DISP1: variants seen among roughly 807,000 people sequenced by gnomAD.
DISP1 encodes dispatched RND transporter family member 1, also known as protein dispatched homolog 1.
Under a neutral mutation model 37.3 loss-of-function variants are expected in DISP1, and 30 were observed. The observed-to-expected ratio is 0.80, with a 90% CI of 0.60 to 1.09. The LOEUF (loss-of-function observed/expected upper bound fraction) is 1.09, where lower values mean the gene tolerates loss of function less well. Ranked by LOEUF, DISP1 falls within the 50% of genes least tolerant of loss-of-function variation. The probability of loss-of-function intolerance (pLI) is 0.00; values close to 1 mark genes in which losing one functional copy is unlikely to be tolerated. For missense variants in DISP1, 1,598 were observed against 1,879.5 expected (o/e 0.85, Z 2.77); for synonymous variants, 634 against 690.2 (o/e 0.92, Z 1.28).
At chr1:222,986,517 T>C (rs993256226) in intron 4 of DISP1, among the ~76,000 whole-genome samples, 4 of 152,332 alleles carry the variant, frequency 2.6e-5, no homozygotes, top group South Asian at 2.1e-4. Flanking sequence ...CTGACTATGT[T>C]TGAGGGACTT....
At chr1:222,978,425 G>A (rs540544321) in intron 3 of DISP1, among the ~76,000 whole-genome samples, 7 of 152,092 alleles carry the variant, frequency 4.6e-5, no homozygotes, top group African/African-American at 7.2e-5. Flanking sequence ...ATATTAGCCC[G>A]TTGTCAGATG....
At chr1:222,826,504 C>T (rs1339767379) in intron 1 of DISP1, among the ~76,000 whole-genome samples, 1 of 151,500 alleles carries the variant, frequency 6.6e-6, no homozygotes, top group Non-Finnish European at 1.5e-5. Context: ...CCTCAGCCTC[C>T]TGAGTAGCTG....
At chr1:222,862,721 T>TA (rs981091414) in intron 1 of DISP1, among the ~76,000 whole-genome samples, 1 of 151,920 alleles carries the variant, frequency 6.6e-6, no homozygotes, top group Non-Finnish European at 1.5e-5. Context: ...TTTGTAGAAA[T>TA]AGAGTCTCCC....
At chr1:222,860,235 G>A (rs538771704) in intron 1 of DISP1, among the ~76,000 whole-genome samples, 1 of 152,210 alleles carries the variant, frequency 6.6e-6, no homozygotes, top group East Asian at 1.9e-4. Context: ...TGTATCTTTA[G>A]TAGAGACAGG....
chr1:222,991,992 C>T, intron 6 of DISP1, 21 bp from the exon 7 acceptor site: 1 of 1,576,824 alleles, frequency 6.3e-7, no homozygotes, highest in Non-Finnish European at 8.7e-7. Flanking sequence ...TATTGAAGAT[C>T]AAATTGTCGT....
chr1:222,857,787 A>G (rs1485216983), intron 1 of DISP1, among the ~76,000 whole-genome samples: 3 of 152,256 alleles, frequency 2.0e-5, no homozygotes, highest in Admixed American at 2.0e-4. Context: ...CAGAGGACAC[A>G]AACAAATGGA....
chr1:222,889,818 G>A (rs966502662), intron 1 of DISP1, among the ~76,000 whole-genome samples: 1 of 152,040 alleles, frequency 6.6e-6, no homozygotes, highest in African/African-American at 2.4e-5. Context: ...TTGTTTCAGA[G>A]CAGAAACCTT....
At chr1:222,992,669 C>T (rs189338842) in intron 7 of DISP1, among the ~76,000 whole-genome samples, 1 of 152,096 alleles carries the variant, frequency 6.6e-6, no homozygotes, top group East Asian at 1.9e-4. Context: ...GTTTGAATGC[C>T]TCAGGGGCCT....
At position 223,003,042 on chromosome 1, in the gene DISP1, G is replaced by A. The variant is rs1282674754; in HGVS notation, c.1645G>A (p.Val549Ile). 3 of 1,613,940 alleles carry A rather than the reference G, an allele frequency of 1.9e-6. No homozygotes were observed. The highest frequency in any genetic ancestry group is 2.5e-6 in the Non-Finnish European group (3 of 1,180,040). Residue 549 changes from valine to isoleucine, a missense_variant, in exon 9 of 9, where the codon GTA becomes ATA. Transcript: ENST00000675850. The surrounding 1 kb of genome is among the most constrained non-coding windows in gnomAD (Gnocchi z 4.3). ...TGTTTCCTATTTTCTCTATCGTGTA[G>A]TATTTCACTTCGAATTTTTTCCTTT... is the stretch of plus-strand genomic sequence containing the variant. ...LIVSYFLYRVVFHFEFFPFMN... is the reference protein window; with the variant it reads ...LIVSYFLYRVIFHFEFFPFMN...
chr1:222,879,213 A>G (rs945131877), intron 1 of DISP1, among the ~76,000 whole-genome samples: 1 of 152,180 alleles, frequency 6.6e-6, no homozygotes, highest in Non-Finnish European at 1.5e-5. Flanking sequence ...GTGACAGTCC[A>G]TTCTCTGGCA....
rs142783352 is a variant in DISP1 at position 222,964,066 on chromosome 1, T to C, written c.510-19014T>C. Among the ~76,000 whole-genome samples, 431 of 152,158 alleles carry C rather than the reference T, an allele frequency of 2.8e-3. 2 individuals are homozygous for C. Among genetic ancestry groups the C allele is most frequent in the African/African-American group, 0.01 (416 of 41,526 alleles). On this transcript the variant is annotated intron_variant, in intron 3 of 8. Transcript: ENST00000675850. Reference sequence around the variant, plus strand: ...ATATAATCCCAGGACTTTGGGAGGCTGAGGCAGGTGGATCACAAGGTCAGG... The same window carrying C: ...ATATAATCCCAGGACTTTGGGAGGCCGAGGCAGGTGGATCACAAGGTCAGG...
intron 3 of DISP1, among the ~76,000 whole-genome samples, chr1:222,982,034 AAAT>A (rs1233316026): frequency 1.3e-5 from 2 of 152,244 alleles, no homozygotes; most frequent in South Asian, 2.1e-4. Context: ...AACTCATTAA[AAAT>A]AATAAGCCCA....
chr1:222,978,075 G>C (rs1178457212), intron 3 of DISP1, among the ~76,000 whole-genome samples: 1 of 152,114 alleles, frequency 6.6e-6, no homozygotes, highest in Non-Finnish European at 1.5e-5. Context: ...TGGGTCAAAT[G>C]GTATTTCTAG....
chr1:222,952,245 C>T (rs1382274927), intron 3 of DISP1, among the ~76,000 whole-genome samples: 4 of 152,190 alleles, frequency 2.6e-5, no homozygotes, highest in Non-Finnish European at 4.4e-5. Flanking sequence ...TTTGGTTACA[C>T]TGCTCACAAT....
At chr1:222,905,460 A>G (rs34715037) in intron 1 of DISP1, among the ~76,000 whole-genome samples, 18,748 of 152,246 alleles carry the variant, frequency 0.12, 1,331 homozygotes, top group East Asian at 0.3. Flanking sequence ...TGCAGACTGC[A>G]CAAACAATAT....
chr1:222,874,825 G>A (rs923417068), intron 1 of DISP1, among the ~76,000 whole-genome samples: 1 of 152,130 alleles, frequency 6.6e-6, no homozygotes, highest in Non-Finnish European at 1.5e-5. Flanking sequence ...TTTGGAGGAG[G>A]AGAGGCGCTC....
intron 1 of DISP1, among the ~76,000 whole-genome samples, chr1:222,858,338 A>G (rs1668667783): frequency 6.6e-6 from 1 of 152,244 alleles, no homozygotes; most frequent in Non-Finnish European, 1.5e-5. Context: ...CTCAAGATGT[A>G]TCAAAGACTT....
At chr1:222,975,305 C>T (rs934326238) in intron 3 of DISP1, among the ~76,000 whole-genome samples, 1 of 152,092 alleles carries the variant, frequency 6.6e-6, no homozygotes, top group Non-Finnish European at 1.5e-5. Context: ...CATTTGCAGG[C>T]GTGAGTTACC....
At chr1:222,943,592 C>G (rs1414302419) in intron 3 of DISP1, 1 of 539,010 alleles carries the variant, frequency 1.9e-6, no homozygotes, top group African/African-American at 1.9e-5. Flanking sequence ...TCTGCTAGAC[C>G]TTGAGTTATA....
Sources: allele counts gnomAD v4.1 joint callset (sites outside exome capture counted in the v4.1 genomes callset), GRCh38; gene constraint gnomAD v4.1.1; non-coding constraint Gnocchi (gnomAD v3.1); transcripts MANE v1.5; gene names NCBI Gene and HGNC (gene_info 2026-07-23, HGNC 2026-07-21).